SPAG1: variants seen among roughly 807,000 people sequenced by gnomAD.
The protein encoded by SPAG1 is sperm-associated antigen 1.
In SPAG1, 69 loss-of-function variants were observed where a neutral mutation model predicts 100.5. That is an observed-to-expected ratio of 0.69 (90% CI 0.57 to 0.84). The LOEUF is 0.84. Among genes scored for constraint, SPAG1 ranks in the 40% least tolerant of loss-of-function variants. The pLI is 0.00. For synonymous variants in SPAG1, 336 were observed against 411.6 expected, an observed-to-expected ratio of 0.82 and a Z score of 2.22; for missense variants, 955 against 1,133.1, an observed-to-expected ratio of 0.84 and a Z score of 2.26.
At chr8:100,167,819 C>T (rs1815633134) in intron 3 of SPAG1, among the ~76,000 whole-genome samples, 1 of 152,206 alleles carries the variant, frequency 6.6e-6, no homozygotes, top group Non-Finnish European at 1.5e-5. Context: ...CATTTGTGGT[C>T]AGTGTAGACC....
chr8:100,200,576 G>A (rs549205964), intron 10 of SPAG1, among the ~76,000 whole-genome samples: 81 of 152,300 alleles, frequency 5.3e-4, no homozygotes, highest in South Asian at 6.2e-4. Flanking sequence ...GTGTAAAAGC[G>A]TTTCTATTTC....
intron 5 of SPAG1, among the ~76,000 whole-genome samples, chr8:100,183,710 TTGAGA>T (rs569632141): frequency 3.9e-5 from 6 of 152,118 alleles, no homozygotes; most frequent in Non-Finnish European, 7.4e-5. Context: ...AAATTTAAAA[TTGAGA>T]TAAGTTAGTC....
chr8:100,238,349 G>T (rs986675713), intron 16 of SPAG1, among the ~76,000 whole-genome samples: 1 of 152,138 alleles, frequency 6.6e-6, no homozygotes, highest in Admixed American at 6.5e-5. Flanking sequence ...AAGGCATGTG[G>T]GATTACAGCT....
chr8:100,177,737 C>T (rs918704394), intron 3 of SPAG1, 79 bp from the exon 4 acceptor site: 7 of 857,016 alleles, frequency 8.2e-6, no homozygotes, highest in South Asian at 2.3e-5. Flanking sequence ...TTATATTGTT[C>T]AAGGGTCAAC....
intron 10 of SPAG1, among the ~76,000 whole-genome samples, chr8:100,198,831 G>A (rs749081624): frequency 6.6e-6 from 1 of 152,076 alleles, no homozygotes; most frequent in Non-Finnish European, 1.5e-5. Context: ...GTCTACTTTT[G>A]TTTGTATGGA....
At chr8:100,173,193 C>T (rs1815959182) in intron 3 of SPAG1, among the ~76,000 whole-genome samples, 1 of 151,804 alleles carries the variant, frequency 6.6e-6, no homozygotes, top group Non-Finnish European at 1.5e-5. Context: ...CATTCACCAC[C>T]ACACTCAGCT....
chr8:100,180,312 T>A, intron 4 of SPAG1, among the ~76,000 whole-genome samples: 1 of 152,182 alleles, frequency 6.6e-6, no homozygotes, highest in East Asian at 1.9e-4. Flanking sequence ...TACTCCAGTC[T>A]GGGCAACAGA....
At chr8:100,201,223 T>C (rs1444700181) in intron 10 of SPAG1, among the ~76,000 whole-genome samples, 1 of 152,082 alleles carries the variant, frequency 6.6e-6, no homozygotes, top group Non-Finnish European at 1.5e-5. Flanking sequence ...GCTCAAGTGA[T>C]CCTCCTACCT....
intron 12 of SPAG1, among the ~76,000 whole-genome samples, chr8:100,215,948 C>G (rs1817967643): frequency 6.6e-6 from 1 of 152,204 alleles, no homozygotes; most frequent in South Asian, 2.1e-4. Flanking sequence ...TACTTATATT[C>G]TCTTTGGCCT....
intron 3 of SPAG1, among the ~76,000 whole-genome samples, chr8:100,173,744 A>G (rs1393284393): frequency 1.3e-5 from 2 of 152,206 alleles, no homozygotes; most frequent in Admixed American, 6.5e-5. Context: ...GAGACTAACA[A>G]TAGATGATTT....
At chr8:100,180,506 A>C (rs535582090) in intron 4 of SPAG1, among the ~76,000 whole-genome samples, 1 of 152,372 alleles carries the variant, frequency 6.6e-6, no homozygotes, top group South Asian at 2.1e-4. Context: ...TCAAGATCTA[A>C]TTGGCTTCTA....
At chr8:100,215,533 G>GT (rs1313189288) in intron 12 of SPAG1, among the ~76,000 whole-genome samples, 3 of 152,070 alleles carry the variant, frequency 2.0e-5, no homozygotes, top group African/African-American at 4.8e-5. Context: ...AGTTTATTTT[G>GT]TTTTTTTGTT....
Position 100,169,510 on chromosome 8 carries a change from G to A in SPAG1, c.300+3537G>A, listed in dbSNP as rs532333109. Among the ~76,000 whole-genome samples the A allele has an allele frequency of 5.3e-5, 8 of 152,292 alleles. No individual in the cohort carries two copies. In the South Asian group the frequency reaches 6.2e-4, roughly 12 times the overall value. ...ATCCAGCACTTTGGGAGGCTGAGGCGGGTGGATCACTTGAGGTCGGGAGTT... is the reference window on the plus strand; with the variant it reads ...ATCCAGCACTTTGGGAGGCTGAGGCAGGTGGATCACTTGAGGTCGGGAGTT... On this transcript the variant is annotated intron_variant, in intron 3 of 18. Transcript: ENST00000388798.
intron 10 of SPAG1, among the ~76,000 whole-genome samples, chr8:100,203,891 C>T (rs879835051): frequency 1.1e-4 from 16 of 152,134 alleles, no homozygotes; most frequent in Admixed American, 5.2e-4. Flanking sequence ...ACAAAAGGTG[C>T]GTGCACAGCC....
At chr8:100,211,108 G>C (rs897737388) in intron 10 of SPAG1, among the ~76,000 whole-genome samples, 1 of 152,074 alleles carries the variant, frequency 6.6e-6, no homozygotes, top group African/African-American at 2.4e-5. Context: ...TTACAGGCAT[G>C]AGCCACCGTG....
intron 10 of SPAG1, among the ~76,000 whole-genome samples, chr8:100,199,105 C>T (rs985518738): frequency 2.6e-5 from 4 of 152,148 alleles, no homozygotes; most frequent in East Asian, 1.9e-4. Context: ...TTTGTTTGAA[C>T]AGATGTTTTA....
intron 16 of SPAG1, among the ~76,000 whole-genome samples, chr8:100,236,988 T>C (rs1819035957): frequency 6.6e-6 from 1 of 152,244 alleles, no homozygotes; most frequent in Admixed American, 6.5e-5. Context: ...GTGATTATAA[T>C]ACATCCCTTT....
chr8:100,220,183 A>AT (rs1221857297), intron 12 of SPAG1, 96 bp from the exon 13 acceptor site: 13 of 1,046,526 alleles, frequency 1.2e-5, no homozygotes, highest in Non-Finnish European at 1.7e-5. Flanking sequence ...ATGTGTACAT[A>AT]TTTGAGAGTT....
At chr8:100,229,160 C>G (rs369840383) in intron 14 of SPAG1, among the ~76,000 whole-genome samples, 1 of 152,282 alleles carries the variant, frequency 6.6e-6, no homozygotes, top group African/African-American at 2.4e-5. Flanking sequence ...GTAATCACAG[C>G]ACTTTGGGAG....
Sources: gnomAD v4.1 joint callset for allele counts (sites outside exome capture counted in the v4.1 genomes callset) on GRCh38, gnomAD v4.1.1 for gene constraint, MANE v1.5 for transcripts, NCBI Gene and HGNC (gene_info 2026-07-23, HGNC 2026-07-21) for gene names.